SND1: variants seen among roughly 807,000 people sequenced by gnomAD.
SND1 encodes staphylococcal nuclease and tudor domain containing 1, also known as staphylococcal nuclease domain-containing protein 1.
Under a neutral mutation model 121.7 loss-of-function variants are expected in SND1, and 38 were observed. That is an observed-to-expected ratio of 0.31 (90% CI 0.24 to 0.41). The LOEUF (loss-of-function observed/expected upper bound fraction) is 0.41, where lower values mean the gene tolerates loss of function less well. SND1 is among the 10% of genes least tolerant of loss of function. The probability of loss-of-function intolerance (pLI) is 1.00; values close to 1 mark genes in which losing one functional copy is unlikely to be tolerated. For synonymous variants in SND1, 401 were observed against 447.4 expected (o/e 0.90, Z 1.31); for missense variants, 868 against 1,184.6 (o/e 0.73, Z 3.92).
At chr7:127,690,908 C>T (rs1795901318) in intron 2 of SND1, among the ~76,000 whole-genome samples, 1 of 152,148 alleles carries the variant, frequency 6.6e-6, no homozygotes, top group Non-Finnish European at 1.5e-5. Flanking sequence ...GTCATGATAT[C>T]GTCTTTCAAA....
chr7:127,817,568 G>T (rs1467122817), intron 11 of SND1, among the ~76,000 whole-genome samples: 1 of 152,114 alleles, frequency 6.6e-6, no homozygotes, highest in Non-Finnish European at 1.5e-5. Context: ...GCAAAGGAAA[G>T]GCAGCTGTAT....
At chr7:127,934,535 GA>G (rs1801017373) in intron 15 of SND1, among the ~76,000 whole-genome samples, 1 of 152,132 alleles carries the variant, frequency 6.6e-6, no homozygotes, top group African/African-American at 2.4e-5. Flanking sequence ...AATCTGGGGA[GA>G]AAACTGGATA....
intron 16 of SND1, among the ~76,000 whole-genome samples, chr7:128,073,378 C>T (rs1231122518): frequency 6.6e-6 from 1 of 152,176 alleles, no homozygotes; most frequent in Non-Finnish European, 1.5e-5. Flanking sequence ...AAATGTGGGC[C>T]TCAAGGACGC....
chr7:127,703,205 C>A lies in SND1; in HGVS notation c.722C>A (p.Pro241Gln). 6.2e-7 allele frequency: 1 copy of A among 1,614,094 alleles called. No individual in the cohort carries two copies. Among genetic ancestry groups the A allele is most frequent in the Non-Finnish European group, 8.5e-7 (1 of 1,179,990 alleles). ...CGGGAAGCAGATGGCAGTGAAACTC[C>A]AGAGCCTTTTGCTGCAGAAGCCAAA... ...FRREADGSET[P>Q]EPFAAEAKFF... Residue 241 changes from proline to glutamine, a missense_variant, in exon 7 of 24, where the codon CCA (proline) becomes CAA (glutamine). Pro to Gln is a moderately conservative substitution (Grantham distance 76). Coordinates refer to ENST00000354725, the MANE Select transcript of SND1 (RefSeq NM_014390.4).
At chr7:127,775,411 A>G (rs1797600219) in intron 10 of SND1, among the ~76,000 whole-genome samples, 1 of 152,032 alleles carries the variant, frequency 6.6e-6, no homozygotes, top group Non-Finnish European at 1.5e-5. Flanking sequence ...AATATAATAA[A>G]AAAAACACAC....
intron 13 of SND1, among the ~76,000 whole-genome samples, chr7:127,896,033 G>A (rs568484948): frequency 1.7e-4 from 26 of 152,204 alleles, no homozygotes; most frequent in African/African-American, 6.3e-4. Flanking sequence ...GATCATGGGT[G>A]GATGATTAAC....
At chr7:127,702,564 T>C in intron 6 of SND1, 38 bp downstream of exon 6, 1 of 1,523,024 alleles carries the variant, frequency 6.6e-7, no homozygotes, top group Non-Finnish European at 9.1e-7. Context: ...GGGTTTAGAG[T>C]GTGTGGATGT....
chr7:127,768,558 AT>A (rs1360219745), intron 10 of SND1, among the ~76,000 whole-genome samples: 3 of 152,218 alleles, frequency 2.0e-5, no homozygotes, highest in Non-Finnish European at 4.4e-5. Context: ...CTGACTAAAA[AT>A]TTAGAGACGA....
Position 127,920,405 on chromosome 7 carries a change from G to T in SND1, c.1528-8783G>T, listed in dbSNP as rs147180670. 9.9e-5 allele frequency among the ~76,000 whole-genome samples: 15 copies of T among 152,266 alleles called. No homozygotes were observed. The East Asian group carries it at 2.5e-3, about 25-fold the overall frequency. ...CCTAGCAAGCCACCCTGCAGAGGTC[G>T]CAGGAGGATGGAAGAACTCTTGGGA... On this transcript the variant is annotated intron_variant, in intron 14 of 23. Coordinates refer to ENST00000354725, the MANE Select transcript of SND1 (RefSeq NM_014390.4).
intron 15 of SND1, among the ~76,000 whole-genome samples, chr7:127,962,381 CAG>C (rs1456013644): frequency 6.6e-6 from 1 of 152,160 alleles, no homozygotes; most frequent in East Asian, 1.9e-4. Context: ...TGGACGTGTG[CAG>C]AGTTGTTGCA....
At chr7:128,027,402 A>G (rs1563092913) in intron 16 of SND1, 1 of 152,524 alleles carries the variant, frequency 6.6e-6, no homozygotes, top group African/African-American at 2.4e-5. Context: ...GTCACTTGTA[A>G]CTGTGGATCT....
At chr7:127,997,960 G>A (rs556183812) in intron 16 of SND1, 1 of 534,766 alleles carries the variant, frequency 1.9e-6, no homozygotes, top group African/African-American at 1.9e-5. Flanking sequence ...AGCACCCTGT[G>A]CATGTATCTG....
intron 11 of SND1, among the ~76,000 whole-genome samples, chr7:127,837,930 T>G (rs1798895795): frequency 6.6e-6 from 1 of 152,134 alleles, no homozygotes. Flanking sequence ...GACTCCTGGA[T>G]GGAGTAATGG....
intron 16 of SND1, among the ~76,000 whole-genome samples, chr7:128,022,589 T>G (rs1477295478): frequency 2.6e-5 from 4 of 152,242 alleles, no homozygotes; most frequent in Non-Finnish European, 2.9e-5. Context: ...ACTGAACTGA[T>G]AGACATCACT....
chr7:127,875,845 G>A (rs768948670), intron 12 of SND1, among the ~76,000 whole-genome samples: 57 of 152,100 alleles, frequency 3.7e-4, no homozygotes, highest in Admixed American at 3.0e-3. Flanking sequence ...GGTTGGACAA[G>A]GTCATTGGCA....
At chr7:128,005,943 C>A (rs115952419) in intron 16 of SND1, among the ~76,000 whole-genome samples, 1 of 152,054 alleles carries the variant, frequency 6.6e-6, no homozygotes, top group East Asian at 1.9e-4. Context: ...TTATCTTTTT[C>A]CACAGAATGT....
chr7:127,747,566 G>T (rs1797003138), intron 10 of SND1, among the ~76,000 whole-genome samples: 1 of 152,162 alleles, frequency 6.6e-6, no homozygotes, highest in Non-Finnish European at 1.5e-5. Flanking sequence ...TGTCCAGCCT[G>T]GAAGATCCTT....
intron 16 of SND1, among the ~76,000 whole-genome samples, chr7:127,997,057 A>G (rs934886437): frequency 6.6e-6 from 1 of 152,182 alleles, no homozygotes; most frequent in South Asian, 2.1e-4. Context: ...TTCATGCATA[A>G]TGTTTCATTT....
chr7:128,084,781 C>G lies in SND1; in HGVS notation c.2168C>G (p.Pro723Arg), dbSNP rs1264461988. Residue 723 changes from proline to arginine, a missense_variant, in exon 19 of 24, where the codon CCT becomes CGT. Coordinates refer to ENST00000354725, the MANE Select transcript of SND1 (RefSeq NM_014390.4). The stretch of plus-strand genomic sequence containing the variant: ...CGCAATGACATTGCCAGTCACCCCC[C>G]TGTAGAGGGCTCCTATGCCCCCCGC... ...NMRNDIASHP[P>R]VEGSYAPRRG... is the part of the protein sequence containing the mutation. 7 of 1,610,526 alleles carry G rather than the reference C, an allele frequency of 4.3e-6. No homozygotes were observed. Among genetic ancestry groups the G allele is most frequent in the Non-Finnish European group, 5.9e-6 (7 of 1,177,666 alleles).
Sources: gnomAD v4.1 joint callset for allele counts (sites outside exome capture counted in the v4.1 genomes callset) on GRCh38, gnomAD v4.1.1 for gene constraint, MANE v1.5 for transcripts, NCBI Gene and HGNC (gene_info 2026-07-23, HGNC 2026-07-21) for gene names.